TRPC7: variants seen among roughly 807,000 people sequenced by gnomAD.
The protein encoded by TRPC7 is short transient receptor potential channel 7.
A neutral mutation model predicts 90.1 loss-of-function variants in TRPC7; 42 were observed. The ratio of observed to expected loss-of-function variants is 0.47; its 90% CI spans 0.36 to 0.60. The LOEUF (loss-of-function observed/expected upper bound fraction) is 0.60, where lower values mean the gene tolerates loss of function less well. Among genes scored for constraint, TRPC7 ranks in the 20% least tolerant of loss-of-function variants. The pLI is 0.00. For missense variants in TRPC7, 955 were observed against 1,112.3 expected (o/e 0.86, Z 2.01); for synonymous variants, 451 against 436.3 (o/e 1.03, Z -0.42).
intron 3 of TRPC7, among the ~76,000 whole-genome samples, chr5:136,295,098 T>C (rs7737433): frequency 0.17 from 24,585 of 144,766 alleles, 2,953 homozygotes; most frequent in East Asian, 0.35. Context: ...TGAGAACACA[T>C]GGACACAGGA....
intron 2 of TRPC7, among the ~76,000 whole-genome samples, chr5:136,336,649 T>G (rs926872903): frequency 6.6e-6 from 1 of 152,032 alleles, no homozygotes; most frequent in Non-Finnish European, 1.5e-5. Flanking sequence ...CCTAATGCTA[T>G]CCCTCCCCCT....
chr5:136,326,900 T>C (rs1054386387), intron 2 of TRPC7, among the ~76,000 whole-genome samples: 2 of 152,110 alleles, frequency 1.3e-5, no homozygotes, highest in Non-Finnish European at 2.9e-5. Context: ...AGTGAAAAGA[T>C]GGCTTGATCA....
intron 2 of TRPC7, among the ~76,000 whole-genome samples, chr5:136,340,141 C>T (rs1397770316): frequency 6.6e-6 from 1 of 152,092 alleles, no homozygotes; most frequent in African/African-American, 2.4e-5. Context: ...TCTAGTCTTA[C>T]AAAAGCAAGA....
intron 5 of TRPC7, among the ~76,000 whole-genome samples, chr5:136,262,468 T>A (rs900115095): frequency 6.6e-6 from 1 of 152,192 alleles, no homozygotes; most frequent in African/African-American, 2.4e-5. Context: ...ACTACTCTGA[T>A]AAGGTGAAAT....
At chr5:136,251,012 G>A (rs1011551233) in intron 6 of TRPC7, among the ~76,000 whole-genome samples, 1 of 151,700 alleles carries the variant, frequency 6.6e-6, no homozygotes, top group African/African-American at 2.4e-5. Context: ...CTTTTTTGCC[G>A]GGCTATTTGC....
At chr5:136,233,548 G>A (rs1035506403) in intron 7 of TRPC7, among the ~76,000 whole-genome samples, 2 of 152,176 alleles carry the variant, frequency 1.3e-5, no homozygotes, top group African/African-American at 2.4e-5. Context: ...ACAGTAGGCC[G>A]TGATCTCTCT....
intron 3 of TRPC7, among the ~76,000 whole-genome samples, chr5:136,278,174 C>A (rs891581581): frequency 4.6e-5 from 7 of 152,236 alleles, no homozygotes; most frequent in Admixed American, 1.3e-4. Context: ...GTCTCTCTTT[C>A]TTTTCTCTCA....
At chr5:136,234,749 A>G (rs1044146102) in intron 7 of TRPC7, among the ~76,000 whole-genome samples, 1 of 152,204 alleles carries the variant, frequency 6.6e-6, no homozygotes, top group Non-Finnish European at 1.5e-5. Flanking sequence ...ATATGGCTAG[A>G]TTCACCATTT....
chr5:136,242,429 C>T (rs1756201804), intron 7 of TRPC7, among the ~76,000 whole-genome samples: 2 of 152,134 alleles, frequency 1.3e-5, no homozygotes, highest in Admixed American at 1.3e-4. Context: ...TGAAAAACAA[C>T]CCAGACCTTT....
intron 3 of TRPC7, among the ~76,000 whole-genome samples, chr5:136,292,521 T>C (rs1580911060): frequency 1.3e-5 from 2 of 151,388 alleles, no homozygotes; most frequent in Non-Finnish European, 1.5e-5. Flanking sequence ...AACACCTCTA[T>C]GCAAATAAAC....
chr5:136,292,062 A>G (rs1160806474), intron 3 of TRPC7, among the ~76,000 whole-genome samples: 1 of 152,222 alleles, frequency 6.6e-6, no homozygotes, highest in East Asian at 1.9e-4. Context: ...TAACGAAATG[A>G]AGGCAGAAAT....
chr5:136,292,388 G>A (rs1437000313), intron 3 of TRPC7, among the ~76,000 whole-genome samples: 1 of 152,032 alleles, frequency 6.6e-6, no homozygotes, highest in Non-Finnish European at 1.5e-5. Context: ...AAAATTGATA[G>A]ACCACTAGCA....
At chr5:136,327,887 T>A (rs1052158481) in intron 2 of TRPC7, among the ~76,000 whole-genome samples, 4 of 152,156 alleles carry the variant, frequency 2.6e-5, no homozygotes, top group Non-Finnish European at 4.4e-5. Context: ...ATGTTAAAAT[T>A]TAACACACAT....
intron 2 of TRPC7, among the ~76,000 whole-genome samples, chr5:136,321,997 G>T (rs1170428016): frequency 2.6e-5 from 4 of 151,962 alleles, no homozygotes; most frequent in East Asian, 1.9e-4. Flanking sequence ...GAAGAAGGCT[G>T]CTATAAATAT....
At chr5:136,314,978 C>G (rs760780963) in intron 3 of TRPC7, among the ~76,000 whole-genome samples, 1 of 152,140 alleles carries the variant, frequency 6.6e-6, no homozygotes, top group Non-Finnish European at 1.5e-5. Flanking sequence ...TGAGTAGCCA[C>G]TACAGGTCTG....
intron 4 of TRPC7, among the ~76,000 whole-genome samples, chr5:136,272,915 A>G (rs1324748614): frequency 6.6e-6 from 1 of 152,270 alleles, no homozygotes; most frequent in East Asian, 1.9e-4. Context: ...ATGGGATCAC[A>G]TCTGCATATG....
intron 1 of TRPC7, among the ~76,000 whole-genome samples, chr5:136,358,630 C>T (rs1453857182): frequency 6.6e-6 from 1 of 152,184 alleles, no homozygotes; most frequent in Non-Finnish European, 1.5e-5. Flanking sequence ...ATAACAGCTA[C>T]TGTGTAATTT....
At chr5:136,298,194 G>C (rs1232526736) in intron 3 of TRPC7, among the ~76,000 whole-genome samples, 1 of 152,152 alleles carries the variant, frequency 6.6e-6, no homozygotes, top group Admixed American at 6.5e-5. Context: ...GTGGTCAGGA[G>C]GTCCCTCTGA....
intron 3 of TRPC7, among the ~76,000 whole-genome samples, chr5:136,294,308 G>A (rs562543297): frequency 1.3e-5 from 2 of 152,264 alleles, no homozygotes; most frequent in African/African-American, 4.8e-5. Flanking sequence ...TTAAACTAAA[G>A]AGCTTCTGCA....
Sources: gnomAD v4.1 joint callset for allele counts (sites outside exome capture counted in the v4.1 genomes callset) on GRCh38, gnomAD v4.1.1 for gene constraint, MANE v1.5 for transcripts, NCBI Gene and HGNC (gene_info 2026-07-23, HGNC 2026-07-21) for gene names.